The following PEMT variants were observed in gnomAD, a reference collection of about 807,000 sequenced individuals.
The protein encoded by PEMT is phosphatidylethanolamine N-methyltransferase.
Under a neutral mutation model 27.4 loss-of-function variants are expected in PEMT, and 23 were observed. That is an observed-to-expected ratio of 0.84 (90% CI 0.60 to 1.19). The LOEUF (loss-of-function observed/expected upper bound fraction) is 1.19, where lower values mean the gene tolerates loss of function less well. PEMT is among the 50% of genes most tolerant of loss of function. The probability of loss-of-function intolerance (pLI) is 0.00; values close to 1 mark genes in which losing one functional copy is unlikely to be tolerated. For synonymous variants in PEMT, 137 were observed against 139.1 expected, an observed-to-expected ratio of 0.98 and a Z score of 0.11; for missense variants, 307 against 310.1, an observed-to-expected ratio of 0.99 and a Z score of 0.07.
intron 2 of PEMT, among the ~76,000 whole-genome samples, chr17:17,544,711 G>A (rs1909131044): frequency 6.6e-6 from 1 of 152,122 alleles, no homozygotes; most frequent in African/African-American, 2.4e-5. Flanking sequence ...TTAGTCCTCC[G>A]AACAGAAAAG....
chr17:17,531,621 C>CAAAAAAAAAAAAAAAAA (rs58165466), intron 2 of PEMT, among the ~76,000 whole-genome samples: 1 of 62,382 alleles, frequency 1.6e-5, no homozygotes, highest in Non-Finnish European at 2.9e-5. Flanking sequence ...CTATCATATG[C>CAAAAAAAAAAAAAAAAA]AAAAAAAAAA....
At chr17:17,505,901 T>G in intron 6 of PEMT, 53 bp from the exon 7 acceptor site, 1 of 1,562,530 alleles carries the variant, frequency 6.4e-7, no homozygotes, top group Non-Finnish European at 8.7e-7. Context: ...GGTGACCCAC[T>G]GCCCGCACCA....
chr17:17,567,970 T>C (rs1051528093), intron 2 of PEMT, among the ~76,000 whole-genome samples: 1 of 152,228 alleles, frequency 6.6e-6, no homozygotes, highest in Non-Finnish European at 1.5e-5. Flanking sequence ...CTGAGCCAGA[T>C]GGAAGCAAGG....
At chr17:17,543,817 C>G (rs1470341341) in intron 2 of PEMT, among the ~76,000 whole-genome samples, 1 of 152,212 alleles carries the variant, frequency 6.6e-6, no homozygotes, top group Non-Finnish European at 1.5e-5. Context: ...CTTGCCTCAG[C>G]CTCCCAGAGT....
intron 4 of PEMT, among the ~76,000 whole-genome samples, chr17:17,511,553 C>T (rs1906397112): frequency 6.6e-6 from 1 of 152,236 alleles, no homozygotes; most frequent in Admixed American, 6.5e-5. Flanking sequence ...CAGGCAGGCC[C>T]GGGAGCTCCT....
At chr17:17,507,144 TC>T in intron 5 of PEMT, 4 of 1,555,880 alleles carry the variant, frequency 2.6e-6, no homozygotes, top group Non-Finnish European at 3.5e-6. Context: ...CGTCAAGCTG[TC>T]CCCCAATCTA....
At chr17:17,545,986 A>C (rs1442663056) in intron 2 of PEMT, among the ~76,000 whole-genome samples, 1 of 152,086 alleles carries the variant, frequency 6.6e-6, no homozygotes, top group East Asian at 1.9e-4. Flanking sequence ...GCCACGACTG[A>C]CCTTCCATCT....
intron 1 of PEMT, among the ~76,000 whole-genome samples, chr17:17,590,178 GT>G (rs1033967727): frequency 5.3e-5 from 8 of 152,216 alleles, no homozygotes; most frequent in African/African-American, 1.4e-4. Context: ...TGCAGGAGCT[GT>G]AGGGGTAGGA....
rs574612625 is a variant in PEMT at position 17,523,343 on chromosome 17, C to G, written c.205-948G>C. On this transcript the variant is annotated intron_variant, in intron 2 of 6. Transcript: ENST00000255389. The surrounding 1 kb of genome is among the most constrained non-coding windows in gnomAD (Gnocchi z 4.8). ...GCGATGACTGCTGCCTGCTCCACTTCCCAAGTGGACCTGCCTTTCCCAGCA... is the reference window on the plus strand; with the variant it reads ...GCGATGACTGCTGCCTGCTCCACTTGCCAAGTGGACCTGCCTTTCCCAGCA... Among the ~76,000 whole-genome samples, 23 of 152,310 alleles carry G rather than the reference C, an allele frequency of 1.5e-4. No homozygotes were observed. In the East Asian group the frequency reaches 3.9e-3, roughly 26 times the overall value.
intron 2 of PEMT, among the ~76,000 whole-genome samples, chr17:17,528,056 A>T (rs1273884741): frequency 6.6e-6 from 1 of 152,210 alleles, no homozygotes; most frequent in Non-Finnish European, 1.5e-5. Flanking sequence ...TCGCATTGGT[A>T]ATGAATGCTG....
intron 1 of PEMT, chr17:17,577,472 C>T (rs905532669): frequency 5.8e-6 from 6 of 1,029,734 alleles, no homozygotes; most frequent in Admixed American, 5.0e-5. Context: ...CGCCCACACT[C>T]GACAGGGGAC....
chr17:17,561,260 C>T lies in PEMT; in HGVS notation c.204+15660G>A, dbSNP rs771628222. Reference sequence around the variant, plus strand: ...ACACGGAGTGTGTCACATCCTCACACGACCCAGGAGGTGGAACCTACAGGT... The same window carrying T: ...ACACGGAGTGTGTCACATCCTCACATGACCCAGGAGGTGGAACCTACAGGT... On this transcript the variant is annotated intron_variant, in intron 2 of 6. Transcript: ENST00000255389. The surrounding 1 kb of genome is among the most constrained non-coding windows in gnomAD (Gnocchi z 4.5). Among the ~76,000 whole-genome samples, 12 of 152,216 alleles carry T rather than the reference C, an allele frequency of 7.9e-5. No homozygotes were observed. Among genetic ancestry groups the T allele is most frequent in the Non-Finnish European group, 1.3e-4 (9 of 68,040 alleles).
intron 2 of PEMT, among the ~76,000 whole-genome samples, chr17:17,558,898 G>C (rs1325868286): frequency 6.6e-6 from 1 of 152,090 alleles, no homozygotes; most frequent in Non-Finnish European, 1.5e-5. Context: ...AGGGTCCTAA[G>C]AGAAGCACGA....
At chr17:17,567,439 G>A (rs1169381015) in intron 2 of PEMT, among the ~76,000 whole-genome samples, 1 of 152,256 alleles carries the variant, frequency 6.6e-6, no homozygotes, top group African/African-American at 2.4e-5. Flanking sequence ...CCATTCAGAG[G>A]CAGGCAGTGC....
intron 2 of PEMT, among the ~76,000 whole-genome samples, chr17:17,524,744 A>C (rs1266527992): frequency 6.6e-6 from 1 of 152,144 alleles, no homozygotes; most frequent in Non-Finnish European, 1.5e-5. Context: ...AAAACAAAGA[A>C]AAGAAAAAAA....
Position 17,522,302 on chromosome 17 carries a change from G to A in PEMT, c.298C>T (p.Leu100=), listed in dbSNP as rs1907329682. 5 of 1,613,646 alleles carry A rather than the reference G, an allele frequency of 3.1e-6. No individual in the cohort carries two copies. Among genetic ancestry groups the A allele is most frequent in the Non-Finnish European group, 4.2e-6 (5 of 1,179,554 alleles). The change falls in exon 3 of 7, where the codon CTG becomes TTG. Residue 100 remains leucine (L), a synonymous_variant. Coordinates refer to ENST00000255389, the MANE Select transcript of PEMT (RefSeq NM_148172.3). ...CYSLSVTILL[L]NFLRSHCFTQ... is the part of the protein sequence containing the mutation. ...TACCAGTGCGAGCGCAGGAAGTTCA[G>A]GAGCAGGATGGTGACGCTTAGAGAG...
chr17:17,567,860 C>A (rs913585824), intron 2 of PEMT, among the ~76,000 whole-genome samples: 1 of 152,250 alleles, frequency 6.6e-6, no homozygotes, highest in Non-Finnish European at 1.5e-5. Flanking sequence ...TCAGCTTTCC[C>A]GCAAGTGCAA....
chr17:17,522,225 C>T (rs915751357), intron 3 of PEMT, 55 bp downstream of exon 3: 12 of 1,288,486 alleles, frequency 9.3e-6, no homozygotes, highest in African/African-American at 5.8e-5. Context: ...CCACCAGTAG[C>T]GGCCCTCCCG....
At chr17:17,556,219 T>C (rs368062244) in intron 2 of PEMT, among the ~76,000 whole-genome samples, 19 of 152,352 alleles carry the variant, frequency 1.2e-4, no homozygotes, top group African/African-American at 4.6e-4. Flanking sequence ...ACAGGTCTTC[T>C]GACTCTCAGA....
Sources: gnomAD v4.1 joint callset for allele counts (sites outside exome capture counted in the v4.1 genomes callset) on GRCh38, gnomAD v4.1.1 for gene constraint, Gnocchi (gnomAD v3.1) non-coding constraint, MANE v1.5 for transcripts, NCBI Gene and HGNC (gene_info 2026-07-23, HGNC 2026-07-21) for gene names.